IL1RL2: variants seen among roughly 807,000 people sequenced by gnomAD.
IL1RL2 encodes interleukin 1 receptor like 2.
Under a neutral mutation model 66.8 loss-of-function variants are expected in IL1RL2, and 68 were observed. That is an observed-to-expected ratio of 1.02 (90% CI 0.84 to 1.25). The LOEUF is 1.25. Among genes scored for constraint, IL1RL2 ranks in the 50% most tolerant of loss-of-function variants. The pLI is 0.00. For missense variants in IL1RL2, 729 were observed against 709.3 expected (o/e 1.03, Z -0.32); for synonymous variants, 305 against 264.6 (o/e 1.15, Z -1.48).
chr2:102,202,965 A>G (rs1363714894), intron 5 of IL1RL2, among the ~76,000 whole-genome samples: 3 of 152,184 alleles, frequency 2.0e-5, no homozygotes, highest in Non-Finnish European at 1.5e-5. Context: ...TCCAGAACTT[A>G]GAGGAAAGGC....
chr2:102,231,923 T>C (rs12475817), intron 9 of IL1RL2, among the ~76,000 whole-genome samples: 1 of 152,214 alleles, frequency 6.6e-6, no homozygotes, highest in Admixed American at 6.5e-5. Flanking sequence ...CAGTTTTGCC[T>C]GGTGCAGTTA....
At chr2:102,206,884 A>T (rs1322832166) in intron 5 of IL1RL2, among the ~76,000 whole-genome samples, 1 of 152,228 alleles carries the variant, frequency 6.6e-6, no homozygotes, top group Non-Finnish European at 1.5e-5. Flanking sequence ...GGAGTGAGGG[A>T]TTAGAGTAAA....
chr2:102,206,224 G>C (rs1012354782), intron 5 of IL1RL2, among the ~76,000 whole-genome samples: 1 of 152,080 alleles, frequency 6.6e-6, no homozygotes, highest in Admixed American at 6.5e-5. Flanking sequence ...ACATATCTCT[G>C]TTCCTTCAGG....
At chr2:102,216,061 C>T (rs1449017357) in intron 6 of IL1RL2, among the ~76,000 whole-genome samples, 3 of 151,986 alleles carry the variant, frequency 2.0e-5, no homozygotes, top group Admixed American at 6.6e-5. Context: ...TTGCTAAATG[C>T]CTGAAAAGGA....
At chr2:102,195,440 A>C (rs1040389592) in intron 4 of IL1RL2, among the ~76,000 whole-genome samples, 1 of 151,584 alleles carries the variant, frequency 6.6e-6, no homozygotes, top group East Asian at 1.9e-4. Context: ...TTCTCTGTGG[A>C]CTTATAGTTT....
rs553965933 is a variant in IL1RL2 at position 102,239,594 on chromosome 2, G to T, written c.*353G>T. On this transcript the variant is annotated 3_prime_UTR_variant, in exon 12 of 12. Transcript: ENST00000264257. ...AGATCTGGGGGTATCCCTGTGTCAT[G>T]GTGGGTGAGGGCGGGTGGTCATCCA... 1 of 262,178 alleles carries T rather than the reference G, an allele frequency of 3.8e-6. No individual in the cohort carries two copies. Among genetic ancestry groups the T allele is most frequent in the East Asian group, 7.4e-5 (1 of 13,596 alleles). The allele number at this position is 262,178 out of a possible 1,614,324, so 16.2% of individuals were successfully genotyped here.
At chr2:102,220,448 G>A (rs956446159) in intron 8 of IL1RL2, among the ~76,000 whole-genome samples, 1 of 152,144 alleles carries the variant, frequency 6.6e-6, no homozygotes, top group African/African-American at 2.4e-5. Context: ...TTAAGCAGGA[G>A]GGCTTCCAAC....
At chr2:102,209,767 C>A (rs573771788) in intron 5 of IL1RL2, among the ~76,000 whole-genome samples, 1 of 152,270 alleles carries the variant, frequency 6.6e-6, no homozygotes, top group African/African-American at 2.4e-5. Flanking sequence ...GAGGGCCTGG[C>A]AGCTTGGAGA....
chr2:102,194,944 T>C (rs552645987), intron 4 of IL1RL2, among the ~76,000 whole-genome samples: 32 of 152,244 alleles, frequency 2.1e-4, no homozygotes, highest in Admixed American at 1.9e-3. Context: ...TAATAAATAT[T>C]TTAGGCATTG....
At chr2:102,242,378 A>G (rs6707979), downstream of IL1RL2, among the ~76,000 whole-genome samples, 1,979 of 152,286 alleles carry the variant, frequency 0.013, 49 homozygotes, top group African/African-American at 0.044. Context: ...TTTTATATAT[A>G]TACAAAATTA....
At chr2:102,238,387 G>A (rs1032754291) in intron 11 of IL1RL2, among the ~76,000 whole-genome samples, 3 of 152,168 alleles carry the variant, frequency 2.0e-5, no homozygotes, top group African/African-American at 4.8e-5. Flanking sequence ...GACCAAGCAA[G>A]ATGAAGATAT....
intron 7 of IL1RL2, 108 bp from the exon 8 acceptor site, chr2:102,219,773 T>C (rs1264191704): frequency 1.2e-5 from 13 of 1,054,508 alleles, no homozygotes; most frequent in African/African-American, 1.6e-5. Context: ...GATAACATGA[T>C]GGCCCAAAGT....
At chr2:102,215,454 A>C (rs1366496435) in intron 6 of IL1RL2, among the ~76,000 whole-genome samples, 1 of 152,086 alleles carries the variant, frequency 6.6e-6, no homozygotes. Flanking sequence ...TCCCAAATGC[A>C]CATGGTGCCC....
At chr2:102,235,413 G>A (rs1674795321) in intron 11 of IL1RL2, 136 bp downstream of exon 11, 5 of 1,457,446 alleles carry the variant, frequency 3.4e-6, no homozygotes, top group Non-Finnish European at 3.6e-6. Flanking sequence ...ACTAGTGAGA[G>A]GATCTGTTGT....
intron 3 of IL1RL2, among the ~76,000 whole-genome samples, chr2:102,190,132 G>T (rs924550327): frequency 6.6e-6 from 1 of 152,220 alleles, no homozygotes. Context: ...AGGCCTGCTG[G>T]TGACTGTGGT....
At chr2:102,204,292 GA>G (rs1171453907) in intron 5 of IL1RL2, among the ~76,000 whole-genome samples, 3 of 152,038 alleles carry the variant, frequency 2.0e-5, no homozygotes, top group African/African-American at 7.2e-5. Context: ...CTTGTTTTGT[GA>G]CCTAACAGAT....
At position 102,219,870 on chromosome 2, in the gene IL1RL2, T is replaced by C. The variant is rs952339464; in HGVS notation, c.855-11T>C. 6.3e-7 allele frequency: 1 copy of C among 1,597,726 alleles called. No individual in the cohort carries two copies. On this transcript the variant is annotated splice_polypyrimidine_tract_variant and intron_variant, in intron 7 of 11. Transcript: ENST00000264257. ...ACTCATGTATTAATGACTTACTCTT[T>C]TCTTTTATAGAACCCATGTCTCTTT... is the stretch of plus-strand genomic sequence containing the variant.
intron 4 of IL1RL2, among the ~76,000 whole-genome samples, chr2:102,197,836 C>T (rs912876948): frequency 5.9e-5 from 9 of 152,220 alleles, no homozygotes; most frequent in South Asian, 2.1e-4. Context: ...GTTGCATAAG[C>T]GGCAACTCCT....
At chr2:102,232,643 G>C (rs933832137) in intron 9 of IL1RL2, among the ~76,000 whole-genome samples, 1 of 152,116 alleles carries the variant, frequency 6.6e-6, no homozygotes, top group African/African-American at 2.4e-5. Context: ...TCTCATTTCT[G>C]GCCACATCAC....
Sources: allele counts gnomAD v4.1 joint callset (sites outside exome capture counted in the v4.1 genomes callset), GRCh38; gene constraint gnomAD v4.1.1; transcripts MANE v1.5; gene names NCBI Gene and HGNC (gene_info 2026-07-23, HGNC 2026-07-21).